UNC13C: variants seen among roughly 807,000 people sequenced by gnomAD.
The protein encoded by UNC13C is protein unc-13 homolog C.
In UNC13C, 174 loss-of-function variants were observed where a neutral mutation model predicts 245.4. The ratio of observed to expected loss-of-function variants is 0.71; its 90% CI spans 0.63 to 0.80. The LOEUF (loss-of-function observed/expected upper bound fraction) is 0.80. UNC13C is among the 30% of genes least tolerant of loss of function. UNC13C has a pLI of 0.00. For missense variants in UNC13C, 2,829 were observed against 2,602.9 expected, an observed-to-expected ratio of 1.09 and a Z score of -1.89; for synonymous variants, 992 against 895.1, an observed-to-expected ratio of 1.11 and a Z score of -1.93.
At chr15:54,073,876 C>T (rs965156444) in intron 2 of UNC13C, among the ~76,000 whole-genome samples, 55 of 152,056 alleles carry the variant, frequency 3.6e-4, no homozygotes, top group Non-Finnish European at 7.2e-4. Context: ...GAAGCTCTTT[C>T]ATTTAATTAG....
chr15:54,497,504 G>C (rs1894009777), intron 20 of UNC13C, among the ~76,000 whole-genome samples: 1 of 152,082 alleles, frequency 6.6e-6, no homozygotes, highest in African/African-American at 2.4e-5. Flanking sequence ...ACATGCTACA[G>C]GCAGTTCCCA....
At chr15:54,514,587 C>G (rs1237175856) in intron 24 of UNC13C, among the ~76,000 whole-genome samples, 1 of 152,196 alleles carries the variant, frequency 6.6e-6, no homozygotes, top group African/African-American at 2.4e-5. Context: ...AACAGCATTG[C>G]TTTCCTCTAA....
intron 4 of UNC13C, among the ~76,000 whole-genome samples, chr15:54,150,877 T>C (rs59602197): frequency 0.36 from 55,109 of 151,972 alleles, 11,272 homozygotes; most frequent in Non-Finnish European, 0.47. Flanking sequence ...TTTCTTGGGG[T>C]AGATTATAAA....
intron 10 of UNC13C, among the ~76,000 whole-genome samples, chr15:54,291,607 A>G (rs906277648): frequency 1.3e-5 from 2 of 151,984 alleles, no homozygotes; most frequent in African/African-American, 2.4e-5. Context: ...ATTGCCTGGC[A>G]CTGTGCTAAC....
At chr15:54,090,134 C>T (rs1253753069) in intron 2 of UNC13C, among the ~76,000 whole-genome samples, 1 of 152,070 alleles carries the variant, frequency 6.6e-6, no homozygotes, top group Non-Finnish European at 1.5e-5. Flanking sequence ...TTGTGCTTGC[C>T]AAAGGGAATC....
At chr15:54,513,714 C>T (rs577361832) in intron 24 of UNC13C, among the ~76,000 whole-genome samples, 16 of 152,204 alleles carry the variant, frequency 1.1e-4, no homozygotes, top group East Asian at 3.9e-4. Context: ...TCCTCAGACA[C>T]GATTTAAGAA....
At chr15:54,078,285 C>T (rs1425697482) in intron 2 of UNC13C, among the ~76,000 whole-genome samples, 1 of 152,158 alleles carries the variant, frequency 6.6e-6, no homozygotes, top group Admixed American at 6.5e-5. Context: ...GTGAGTAGTG[C>T]TGCAATAACC....
intron 2 of UNC13C, among the ~76,000 whole-genome samples, chr15:54,042,646 G>A (rs112966938): frequency 9.9e-5 from 15 of 152,240 alleles, no homozygotes; most frequent in Non-Finnish European, 1.6e-4. Flanking sequence ...AAGGTCAGGA[G>A]ATCGAGACCA....
intron 2 of UNC13C, among the ~76,000 whole-genome samples, chr15:54,113,224 AGGAG>A (rs2141178923): frequency 6.6e-6 from 1 of 152,266 alleles, no homozygotes; most frequent in Non-Finnish European, 1.5e-5. Flanking sequence ...GATAGAGAAA[AGGAG>A]GGAGGGAAGG....
chr15:54,142,128 G>A (rs867319517), intron 2 of UNC13C, among the ~76,000 whole-genome samples: 15 of 152,152 alleles, frequency 9.9e-5, no homozygotes, highest in African/African-American at 3.6e-4. Flanking sequence ...ATAGTACTGT[G>A]TAAGGTAGTA....
intron 2 of UNC13C, among the ~76,000 whole-genome samples, chr15:54,053,399 T>C (rs1017566163): frequency 6.6e-6 from 1 of 152,286 alleles, no homozygotes; most frequent in South Asian, 2.1e-4. Flanking sequence ...AAAATACGAA[T>C]GTAAATTCCA....
At chr15:54,075,313 G>A (rs956944338) in intron 2 of UNC13C, among the ~76,000 whole-genome samples, 3 of 151,914 alleles carry the variant, frequency 2.0e-5, no homozygotes, top group Non-Finnish European at 4.4e-5. Flanking sequence ...GCGAAACACC[G>A]TCTCTACTAA....
intron 17 of UNC13C, among the ~76,000 whole-genome samples, chr15:54,358,166 C>T (rs372559814): frequency 1.3e-5 from 2 of 151,996 alleles, no homozygotes; most frequent in African/African-American, 2.4e-5. Flanking sequence ...CTGTTCTATA[C>T]CTTTGGCCAA....
chr15:54,478,623 G>C (rs367871534), intron 19 of UNC13C, among the ~76,000 whole-genome samples: 1 of 151,708 alleles, frequency 6.6e-6, no homozygotes, highest in African/African-American at 2.4e-5. Context: ...GAGCAGTTTT[G>C]AGTGAGTTTC....
At chr15:53,980,969 A>C (rs1203586517) in intron 1 of UNC13C, among the ~76,000 whole-genome samples, 2 of 152,200 alleles carry the variant, frequency 1.3e-5, no homozygotes, top group Non-Finnish European at 1.5e-5. Context: ...AATTGCAGTG[A>C]TTCCCCTTTT....
intron 30 of UNC13C, among the ~76,000 whole-genome samples, chr15:54,596,419 G>A (rs952759707): frequency 2.0e-5 from 3 of 152,298 alleles, no homozygotes; most frequent in Admixed American, 6.5e-5. Flanking sequence ...AATATAAAGA[G>A]TATAGCCATG....
chr15:54,481,966 G>C (rs895919826), intron 19 of UNC13C, among the ~76,000 whole-genome samples: 94 of 152,326 alleles, frequency 6.2e-4, no homozygotes, highest in Non-Finnish European at 2.9e-4. Context: ...GCACTTGCAG[G>C]TGTGTGGCAG....
chr15:54,487,421 A>G (rs1336402638), intron 19 of UNC13C, among the ~76,000 whole-genome samples: 2 of 152,140 alleles, frequency 1.3e-5, no homozygotes, highest in Non-Finnish European at 2.9e-5. Flanking sequence ...TTCTTACCCT[A>G]CAAAAATTAA....
the UNC13C span, among the ~76,000 whole-genome samples, chr15:53,861,665 G>A: frequency 6.6e-6 from 1 of 152,124 alleles, no homozygotes; most frequent in East Asian, 1.9e-4. Flanking sequence ...AAAGAAAAGT[G>A]AGGTAAAGAA....
Sources: gnomAD v4.1 joint callset for allele counts (sites outside exome capture counted in the v4.1 genomes callset) on GRCh38, gnomAD v4.1.1 for gene constraint, MANE v1.5 for transcripts, NCBI Gene and HGNC (gene_info 2026-07-23, HGNC 2026-07-21) for gene names.